Variants in SLC9A9 observed in about 807,000 individuals in gnomAD.
The protein encoded by SLC9A9 is sodium/hydrogen exchanger 9.
Under a neutral mutation model 77.8 loss-of-function variants are expected in SLC9A9, and 62 were observed. The observed-to-expected ratio is 0.80, with a 90% confidence interval of 0.65 to 0.98. The LOEUF (loss-of-function observed/expected upper bound fraction) is 0.98. Ranked by LOEUF, SLC9A9 falls within the 50% of genes least tolerant of loss-of-function variation. The probability of loss-of-function intolerance (pLI) is 0.00; values close to 1 mark genes in which losing one functional copy is unlikely to be tolerated. For synonymous variants in SLC9A9, 320 were observed against 283.5 expected (o/e 1.13, Z -1.29); for missense variants, 775 against 774.9 (o/e 1.00, Z 0.00).
At chr3:143,516,207 C>T (rs1004606152) in intron 9 of SLC9A9, among the ~76,000 whole-genome samples, 6 of 152,014 alleles carry the variant, frequency 3.9e-5, no homozygotes, top group Admixed American at 2.0e-4. Context: ...CACCTCCAGT[C>T]ATGCTCTTCT....
chr3:143,361,170 A>G (rs544194803), intron 14 of SLC9A9, among the ~76,000 whole-genome samples: 8 of 152,322 alleles, frequency 5.3e-5, no homozygotes, highest in African/African-American at 1.7e-4. Context: ...TGCTGATTCT[A>G]TTTATTTGGA....
At chr3:143,513,947 C>T (rs537659152) in intron 9 of SLC9A9, among the ~76,000 whole-genome samples, 92 of 152,202 alleles carry the variant, frequency 6.0e-4, no homozygotes, top group Non-Finnish European at 1.2e-3. Context: ...AACTGATATA[C>T]CTAATGTCAT....
intron 6 of SLC9A9, among the ~76,000 whole-genome samples, chr3:143,637,976 T>C (rs1364487690): frequency 6.6e-6 from 1 of 152,214 alleles, no homozygotes; most frequent in Non-Finnish European, 1.5e-5. Flanking sequence ...TTTCTACTTT[T>C]CCTAACTTTT....
intron 4 of SLC9A9, among the ~76,000 whole-genome samples, chr3:143,754,336 C>T (rs1299832993): frequency 1.3e-5 from 2 of 152,176 alleles, no homozygotes; most frequent in Non-Finnish European, 2.9e-5. Flanking sequence ...TTTTATCCCT[C>T]TGAACAGGAG....
At position 143,809,235 on chromosome 3, in the gene SLC9A9, C is replaced by T. The variant is rs182610223; in HGVS notation, c.379-12332G>A. ...GCCTCAGCAGTTTTTCTGCAAAAAT[C>T]GGGTTAATCACTCAACCAGAACATT... On this transcript the variant is annotated intron_variant, in intron 2 of 15. Coordinates refer to ENST00000316549, the MANE Select transcript of SLC9A9 (RefSeq NM_173653.4). Among the ~76,000 whole-genome samples the T allele has an allele frequency of 3.0e-3, 451 of 152,308 alleles. 1 individual carries two copies. Among genetic ancestry groups the T allele is most frequent in the African/African-American group, 9.9e-3 (413 of 41,570 alleles).
chr3:143,325,652 G>A (rs574603937), intron 14 of SLC9A9, among the ~76,000 whole-genome samples: 13 of 152,228 alleles, frequency 8.5e-5, no homozygotes, highest in South Asian at 2.1e-4. Flanking sequence ...TTGGAAGGCC[G>A]TGGCCAGTTC....
At chr3:143,462,878 G>T (rs1448752458) in intron 12 of SLC9A9, among the ~76,000 whole-genome samples, 1 of 152,192 alleles carries the variant, frequency 6.6e-6, no homozygotes, top group Non-Finnish European at 1.5e-5. Flanking sequence ...GCAGGCCCTA[G>T]GCTTAGGCTC....
intron 14 of SLC9A9, among the ~76,000 whole-genome samples, chr3:143,351,205 G>A (rs951095008): frequency 5.3e-5 from 8 of 152,174 alleles, no homozygotes; most frequent in Non-Finnish European, 1.0e-4. Flanking sequence ...ATTTCTCAAT[G>A]CACTGTGATA....
chr3:143,709,806 GA>G (rs1043641336), intron 4 of SLC9A9, among the ~76,000 whole-genome samples: 2 of 152,180 alleles, frequency 1.3e-5, no homozygotes, highest in African/African-American at 4.8e-5. Context: ...ACGAGTGGGA[GA>G]GGGGGAGTGA....
chr3:143,712,387 A>G (rs1179459196), intron 4 of SLC9A9, among the ~76,000 whole-genome samples: 1 of 152,216 alleles, frequency 6.6e-6, no homozygotes, highest in African/African-American at 2.4e-5. Flanking sequence ...AAGTTTATTA[A>G]GCTATATAAT....
At chr3:143,694,786 C>T (rs1933579187) in intron 4 of SLC9A9, among the ~76,000 whole-genome samples, 1 of 152,116 alleles carries the variant, frequency 6.6e-6, no homozygotes, top group Admixed American at 6.6e-5. Context: ...ATGTAGTACA[C>T]CCTCAACCAT....
intron 6 of SLC9A9, among the ~76,000 whole-genome samples, chr3:143,590,337 G>C (rs1044329130): frequency 1.3e-5 from 2 of 152,188 alleles, no homozygotes; most frequent in African/African-American, 4.8e-5. Flanking sequence ...AATATTAGCT[G>C]TTATTATTGC....
In SLC9A9 at chr3:143,385,453, A is replaced by G. The variant is rs1030454739; in HGVS notation, c.1470-3339T>C. Among the ~76,000 whole-genome samples the G allele has an allele frequency of 8.5e-5, 13 of 152,188 alleles. 1 individual carries two copies. Among genetic ancestry groups the G allele is most frequent in the South Asian group, 4.1e-4 (2 of 4,828 alleles). ...GATATATAAGCTGACATAGACATGCATGGCACCTTCACACAGCATCCCAAG... is the reference window on the plus strand; with the variant it reads ...GATATATAAGCTGACATAGACATGCGTGGCACCTTCACACAGCATCCCAAG... On this transcript the variant is annotated intron_variant, in intron 12 of 15. Coordinates refer to ENST00000316549, the MANE Select transcript of SLC9A9 (RefSeq NM_173653.4).
intron 12 of SLC9A9, among the ~76,000 whole-genome samples, chr3:143,455,158 C>T (rs889201797): frequency 2.6e-5 from 4 of 152,150 alleles, no homozygotes. Flanking sequence ...TATTCTAATA[C>T]CATTTGCTGA....
intron 14 of SLC9A9, among the ~76,000 whole-genome samples, chr3:143,336,867 A>T (rs563189340): frequency 1.3e-5 from 2 of 152,282 alleles, no homozygotes; most frequent in East Asian, 3.9e-4. Context: ...AAAAATGCGA[A>T]GGTGGTAATT....
chr3:143,683,736 A>C (rs1933176137), intron 5 of SLC9A9, among the ~76,000 whole-genome samples: 1 of 152,158 alleles, frequency 6.6e-6, no homozygotes. Context: ...CTCATCTATA[A>C]GAATAGATGT....
chr3:143,701,088 A>G (rs774987962), intron 4 of SLC9A9, among the ~76,000 whole-genome samples: 6 of 152,252 alleles, frequency 3.9e-5, no homozygotes, highest in African/African-American at 7.2e-5. Flanking sequence ...AAGAACCACA[A>G]TGTTACTGGG....
intron 12 of SLC9A9, among the ~76,000 whole-genome samples, chr3:143,393,878 A>T (rs1225287237): frequency 6.6e-6 from 1 of 152,140 alleles, no homozygotes; most frequent in Admixed American, 6.5e-5. Context: ...CTTGACACAT[A>T]CACCCTCCCA....
At chr3:143,316,441 G>T (rs1458990896) in intron 14 of SLC9A9, among the ~76,000 whole-genome samples, 1 of 152,200 alleles carries the variant, frequency 6.6e-6, no homozygotes, top group African/African-American at 2.4e-5. Context: ...GGAGCATATA[G>T]GACTGGCAGA....
Sources: gnomAD v4.1 joint callset for allele counts (sites outside exome capture counted in the v4.1 genomes callset) on GRCh38, gnomAD v4.1.1 for gene constraint, MANE v1.5 for transcripts, NCBI Gene and HGNC (gene_info 2026-07-23, HGNC 2026-07-21) for gene names.